Variants in FOXA2 observed in about 807,000 individuals in gnomAD.
FOXA2 encodes forkhead box A2, also known as hepatocyte nuclear factor 3-beta.
In FOXA2, 9 loss-of-function variants were observed where a neutral mutation model predicts 33.3. The ratio of observed to expected loss-of-function variants is 0.27; its 90% CI spans 0.16 to 0.47. The LOEUF (loss-of-function observed/expected upper bound fraction) is 0.47, where lower values mean the gene tolerates loss of function less well. FOXA2 is among the 20% of genes least tolerant of loss of function. The pLI is 0.99. For missense variants in FOXA2, 704 were observed against 659.9 expected, an observed-to-expected ratio of 1.07 and a Z score of -0.73; for synonymous variants, 329 against 289.4, an observed-to-expected ratio of 1.14 and a Z score of -1.39.
rs1355902776 is a variant in FOXA2 at position 22,581,705 on chromosome 20, G to C, written c.*145C>G. On this transcript the variant is annotated 3_prime_UTR_variant, in exon 2 of 2. Transcript: ENST00000419308. The stretch of plus-strand genomic sequence containing the variant: ...GCGGGTGAAGAAGACTGCTGTCTTG[G>C]GGGTGTTGGGGTGGGGGTGTTATGG... 3.8e-5 allele frequency: 28 copies of C among 734,700 alleles called. No homozygotes were observed. The South Asian group carries it at 3.9e-4, about 10-fold the overall frequency. The allele number at this position is 734,700 out of a possible 1,614,324, so 45.5% of individuals were successfully genotyped here.
chr20:22,584,331 C>G lies in FOXA2; in HGVS notation c.-53G>C. ...AAACGACCAGCAATCACCCCCCACCCCCACCCTCTTTTAAAAAAAAGTCAG... is the reference window on the plus strand; with the variant it reads ...AAACGACCAGCAATCACCCCCCACCGCCACCCTCTTTTAAAAAAAAGTCAG... On this transcript the variant is annotated 5_prime_UTR_variant, in exon 1 of 2. Transcript: ENST00000419308. The G allele has an allele frequency of 2.0e-6, 3 of 1,490,578 alleles. No individual in the cohort carries two copies. The highest frequency in any genetic ancestry group is 2.3e-5 in the South Asian group (2 of 86,438). The allele number at this position is 1,490,578 out of a possible 1,614,324, so 92.3% of individuals were successfully genotyped here.
chr20:22,583,059 C>G lies in FOXA2; in HGVS notation c.183G>C (p.Ser61=), dbSNP rs200275849. 3.0e-5 allele frequency: 49 copies of G among 1,609,808 alleles called. No individual in the cohort carries two copies. In the African/African-American group the frequency reaches 3.9e-4, roughly 13 times the overall value. The change falls in exon 2 of 2, where the codon TCG becomes TCC. Residue 61 remains serine, a synonymous_variant. Coordinates refer to ENST00000419308, the MANE Select transcript of FOXA2 (RefSeq NM_021784.5). ...SMSAAAMGSG[S]GNMSAGSMNM... is the part of the protein sequence containing the mutation. ...TCATGGAGCCCGCGCTCATGTTGCC[C>G]GAGCCGCTGCCCATGGCGGCCGCCG...
chr20:22,582,156 C>G lies in FOXA2; in HGVS notation c.1086G>C (p.Pro362=), dbSNP rs777713858. Residue 362 remains proline, a synonymous_variant, in exon 2 of 2, where the codon CCG becomes CCC. Coordinates refer to ENST00000419308, the MANE Select transcript of FOXA2 (RefSeq NM_021784.5). ...TCAGGTGGGCCTCAGGCGGCAGGCC[C>G]GGGTGGTGGGGCGGGCCCAGCAGGT... ...AAHLLGPPHH[P]GLPPEAHLKP... 7 of 1,565,530 alleles carry G rather than the reference C, an allele frequency of 4.5e-6. No individual in the cohort carries two copies. The highest frequency in any genetic ancestry group is 3.5e-5 in the South Asian group (3 of 86,216).
chr20:22,583,279 G>A, intron 1 of FOXA2, 125 bp from the exon 2 acceptor site: 2 of 949,350 alleles, frequency 2.1e-6, no homozygotes, highest in South Asian at 1.3e-5. Flanking sequence ...TTTCGTCCCC[G>A]ATGGCCCAGT....
Position 22,582,513 on chromosome 20 carries a change from A to G in FOXA2, c.729T>C (p.Pro243=). The G allele has an allele frequency of 6.2e-7, 1 of 1,613,990 alleles. No homozygotes were observed. Among genetic ancestry groups the G allele is most frequent in the Non-Finnish European group, 8.5e-7 (1 of 1,179,986 alleles). The change falls in exon 2 of 2, where the codon CCT becomes CCC. Residue 243 remains proline (P), a synonymous_variant. Transcript: ENST00000419308. ...CGTTCTCGAACATGTTGCCCGAGTC[A>G]GGGTGCAGGGTCCAGAAGGAGCCCT... is the stretch of plus-strand genomic sequence containing the variant. ...PGKGSFWTLH[P]DSGNMFENGC...
chr20:22,582,552 G>A lies in FOXA2; in HGVS notation c.690C>T (p.Pro230=), dbSNP rs777695135. ...AGAAGGAGCCCTTGCCGGGCTTGTC[G>A]GGCGAGCGGGGCACCTTCAGGAAAC... The part of the protein sequence containing the change: ...NDCFLKVPRS[P]DKPGKGSFWT... The change falls in exon 2 of 2, where the codon CCC becomes CCT. Residue 230 remains proline (P), a synonymous_variant. Coordinates refer to ENST00000419308, the MANE Select transcript of FOXA2 (RefSeq NM_021784.5). 1 of 1,613,988 alleles carries A rather than the reference G, an allele frequency of 6.2e-7. No homozygotes were observed. Among genetic ancestry groups the A allele is most frequent in the Admixed American group, 1.7e-5 (1 of 60,002 alleles).
Position 22,582,955 on chromosome 20 carries a change from A to G in FOXA2, c.287T>C (p.Met96Thr), listed in dbSNP as rs756558691. 3 of 1,595,894 alleles carry G rather than the reference A, an allele frequency of 1.9e-6. No individual in the cohort carries two copies. The highest frequency in any genetic ancestry group is 1.4e-5 in the African/African-American group (1 of 74,038). ...MSPGAGAMAG[M>T]GGSAGAAGVA... ...GCCGGCCGCCCCGGCCGAGCCGCCC[A>G]TGCCCGCCATGGCGCCCGCGCCGGG... Residue 96 changes from methionine (M) to threonine (T), a missense_variant, in exon 2 of 2, where the codon ATG becomes ACG. Met to Thr is a moderately conservative substitution (Grantham distance 81). Around this residue, in one of 5 missense-constraint regions of FOXA2, gnomAD observed 304 missense variants for 251.7 expected, o/e 1.21. Transcript: ENST00000419308.
rs1462699246 is a variant in FOXA2, at chr20:22,582,050, G to A, written c.1192C>T (p.His398Tyr). Residue 398 changes from histidine (H) to tyrosine (Y), a missense_variant, in exon 2 of 2, where the codon CAC becomes TAC. By Grantham distance (83) the His-to-Tyr change is moderately conservative (BLOSUM62 2). Around this residue, in one of 5 missense-constraint regions of FOXA2, gnomAD observed 343 missense variants for 274.8 expected, o/e 1.25. Coordinates refer to ENST00000419308, the MANE Select transcript of FOXA2 (RefSeq NM_021784.5). The stretch of plus-strand genomic sequence containing the variant: ...ATTTTGTGGGGTTGGTGGTGGTGGT[G>A]GCTGTGGTGGTGCTGCTGCTCCGAG... ...MSSEQQHHHS[H>Y]HHHQPHKMDL... 3 of 1,613,614 alleles carry A rather than the reference G, an allele frequency of 1.9e-6. No individual in the cohort carries two copies. The highest frequency in any genetic ancestry group is 2.5e-6 in the Non-Finnish European group (3 of 1,179,542).
chr20:22,581,547 C>T lies in FOXA2; in HGVS notation c.*303G>A, dbSNP rs1173093785. ...ACAAAAAAATCAGAATCTGCAGGTGCTTGAAGAAGCAGGAGTCTACACAGT... is the reference window on the plus strand; with the variant it reads ...ACAAAAAAATCAGAATCTGCAGGTGTTTGAAGAAGCAGGAGTCTACACAGT... On this transcript the variant is annotated 3_prime_UTR_variant, in exon 2 of 2. Transcript: ENST00000419308. The T allele has an allele frequency of 1.2e-5, 3 of 250,422 alleles. No homozygotes were observed. Among genetic ancestry groups the T allele is most frequent in the East Asian group, 7.5e-5 (1 of 13,406 alleles). The allele number at this position is 250,422 out of a possible 1,614,324, so 15.5% of individuals were successfully genotyped here.
In FOXA2 at chr20:22,582,078, C is replaced by G. The variant is rs1174563455; in HGVS notation, c.1164G>C (p.Met388Ile). Residue 388 changes from methionine (M) to isoleucine (I), a missense_variant, in exon 2 of 2, where the codon ATG (methionine) becomes ATC (isoleucine). Physicochemically the swap from Met to Ile is conservative, Grantham distance 10 (BLOSUM62 1). Around this residue, in one of 5 missense-constraint regions of FOXA2, gnomAD observed 343 missense variants for 274.8 expected, o/e 1.25. Coordinates refer to ENST00000419308, the MANE Select transcript of FOXA2 (RefSeq NM_021784.5). ...FNHPFSINNL[M>I]SSEQQHHHSH... ...TGTGGTGGTGCTGCTGCTCCGAGGA[C>G]ATGAGGTTGTTGATGGAGAACGGGT... 2 of 1,613,772 alleles carry G rather than the reference C, an allele frequency of 1.2e-6. No individual in the cohort carries two copies. Among genetic ancestry groups the G allele is most frequent in the Non-Finnish European group, 1.7e-6 (2 of 1,179,832 alleles).
At position 22,581,811 on chromosome 20, in the gene FOXA2, G is replaced by T. The variant is rs1434383603; in HGVS notation, c.*39C>A. On this transcript the variant is annotated 3_prime_UTR_variant, in exon 2 of 2. Transcript: ENST00000419308. Reference sequence around the variant, plus strand: ...TTGCTCTCTCACTTGTCCTCGATCCGGGGTGCCAGAGTTAGCCGGGCCTGA... The same window carrying T: ...TTGCTCTCTCACTTGTCCTCGATCCTGGGTGCCAGAGTTAGCCGGGCCTGA... 1 of 1,588,816 alleles carries T rather than the reference G, an allele frequency of 6.3e-7. No homozygotes were observed.
rs149455805 is a variant in FOXA2, at chr20:22,581,969, G to T, written c.1273C>A (p.Pro425Thr). The T allele has an allele frequency of 2.5e-3, 3,966 of 1,613,430 alleles. 121 individuals are homozygous for T. In the Admixed American group the frequency reaches 0.061, roughly 25 times the overall value. ...MHYPGYGSPM[P>T]GSLAMGPVTN... ...ACCGGGCCCATGGCCAAGCTGCCAG[G>T]CATGGGGGAACCGTAGCCGGGGTAG... is the stretch of plus-strand genomic sequence containing the variant. The change falls in exon 2 of 2, where the codon CCT becomes ACT. Residue 425 changes from proline (P) to threonine (T), a missense_variant. Around this residue, in one of 5 missense-constraint regions of FOXA2, gnomAD observed 343 missense variants for 274.8 expected, o/e 1.25. Transcript: ENST00000419308.
Position 22,583,082 on chromosome 20 carries a change from C to T in FOXA2, c.160G>A (p.Ala54Thr). ...NGMNTYMSMS[A>T]AAMGSGSGNM... Reference sequence around the variant, plus strand: ...CCCGAGCCGCTGCCCATGGCGGCCGCCGACATGCTCATGTACGTGTTCATG... The same window carrying T: ...CCCGAGCCGCTGCCCATGGCGGCCGTCGACATGCTCATGTACGTGTTCATG... Residue 54 changes from alanine (A) to threonine (T), a missense_variant, in exon 2 of 2, where the codon GCG becomes ACG. Physicochemically the swap from Ala to Thr is moderately conservative, Grantham distance 58. Around this residue, in one of 5 missense-constraint regions of FOXA2, gnomAD observed 304 missense variants for 251.7 expected, o/e 1.21. Transcript: ENST00000419308. The T allele has an allele frequency of 1.2e-6, 2 of 1,609,236 alleles. No individual in the cohort carries two copies. The highest frequency in any genetic ancestry group is 1.7e-6 in the Non-Finnish European group (2 of 1,179,844).
chr20:22,582,909 G>A lies in FOXA2; in HGVS notation c.333C>T (p.His111=), dbSNP rs766433993. The change falls in exon 2 of 2, where the codon CAC becomes CAT. Residue 111 remains histidine, a synonymous_variant. Coordinates refer to ENST00000419308, the MANE Select transcript of FOXA2 (RefSeq NM_021784.5). ...CGAGCGGGCTCAGGCTGGGACTCAA[G>A]TGCGGCCCCATGCCCGCCACGCCGG... is the stretch of plus-strand genomic sequence containing the variant. The part of the protein sequence containing the change: ...GAAGVAGMGP[H]LSPSLSPLGG... 8 of 1,541,810 alleles carry A rather than the reference G, an allele frequency of 5.2e-6. No homozygotes were observed. Among genetic ancestry groups the A allele is most frequent in the Non-Finnish European group, 2.6e-6 (3 of 1,150,640 alleles).
Position 22,582,235 on chromosome 20 carries a change from A to G in FOXA2, c.1007T>C (p.Leu336Pro). The change falls in exon 2 of 2, where the codon CTG (leucine) becomes CCG (proline). Residue 336 changes from leucine (L) to proline (P), a missense_variant. Coordinates refer to ENST00000419308, the MANE Select transcript of FOXA2 (RefSeq NM_021784.5). ...GELKGTPAAA[L>P]SPPEPAPSPG... ...AGAGGGCGCCGGCTCTGGGGGGCTC[A>G]GCGCCGCAGCCGGCGTCCCCTTCAG... 1 of 1,481,378 alleles carries G rather than the reference A, an allele frequency of 6.8e-7. No homozygotes were observed. Among genetic ancestry groups the G allele is most frequent in the Non-Finnish European group, 8.9e-7 (1 of 1,121,608 alleles). The allele number at this position is 1,481,378 out of a possible 1,614,324, so 91.8% of individuals were successfully genotyped here.
chr20:22,581,895 G>C lies in FOXA2; in HGVS notation c.1347C>G (p.Ser449=). 6.2e-7 allele frequency: 1 copy of C among 1,606,184 alleles called. No individual in the cohort carries two copies. The highest frequency in any genetic ancestry group is 8.5e-7 in the Non-Finnish European group (1 of 1,173,522). ...LDASPLAADT[S]YYQGVYSRPI... ...GCCGGGAGTACACCCCCTGGTAGTA[G>C]GAGGTATCTGCGGCCAGGGGCGAGG... The change falls in exon 2 of 2, where the codon TCC becomes TCG. Residue 449 remains serine, a synonymous_variant. Transcript: ENST00000419308.
chr20:22,582,635 G>T lies in FOXA2; in HGVS notation c.607C>A (p.Arg203=). Residue 203 remains arginine (R), a synonymous_variant, in exon 2 of 2, where the codon CGG becomes AGG. Transcript: ENST00000419308. ...QWIMDLFPFY[R]QNQQRWQNSI... ...TTCTGCCAGCGCTGCTGGTTCTGCC[G>T]GTAGAAGGGGAAGAGGTCCATGATC... 6.2e-7 allele frequency: 1 copy of T among 1,614,178 alleles called. No homozygotes were observed.
chr20:22,583,298 T>A (rs879790747), intron 1 of FOXA2, 144 bp from the exon 2 acceptor site: 1 of 849,604 alleles, frequency 1.2e-6, no homozygotes, highest in Non-Finnish European at 2.0e-6. Flanking sequence ...GTCTCCGGAC[T>A]CCGAGTCTGT....
rs746278450 is a variant in FOXA2, at chr20:22,581,840, C to A, written c.*10G>T. ...TGCCAGAGTTAGCCGGGCCTGAAGC[C>A]GTCGTCTTCTTAAGAGGAGTTCATA... is the stretch of plus-strand genomic sequence containing the variant. On this transcript the variant is annotated 3_prime_UTR_variant, in exon 2 of 2. Coordinates refer to ENST00000419308, the MANE Select transcript of FOXA2 (RefSeq NM_021784.5). 1.1e-5 allele frequency: 18 copies of A among 1,607,136 alleles called. No homozygotes were observed. In the Admixed American group the frequency reaches 2.8e-4, roughly 25 times the overall value.
Sources: gnomAD v4.1 joint callset for allele counts on GRCh38, gnomAD v4.1.1 for gene constraint, gnomAD v4.1.1 regional missense constraint, MANE v1.5 for transcripts, NCBI Gene and HGNC (gene_info 2026-07-23, HGNC 2026-07-21) for gene names.